The following PCDHA5 variants were observed in gnomAD, a reference collection of about 807,000 sequenced individuals.
The protein encoded by PCDHA5 is protocadherin alpha-5.
A neutral mutation model predicts 61.6 loss-of-function variants in PCDHA5; 43 were observed. The observed-to-expected ratio is 0.70, with a 90% CI of 0.55 to 0.90. The LOEUF (loss-of-function observed/expected upper bound fraction) is 0.90, where lower values mean the gene tolerates loss of function less well. Among genes scored for constraint, PCDHA5 ranks in the 40% least tolerant of loss-of-function variants. PCDHA5 has a pLI of 0.00. For synonymous variants in PCDHA5, 627 were observed against 543.9 expected (o/e 1.15, Z -2.13); for missense variants, 1,298 against 1,222.7 (o/e 1.06, Z -0.92).
chr5:140,897,716 G>A (rs1554187531), intron 1 of PCDHA5, among the ~76,000 whole-genome samples: 1 of 152,144 alleles, frequency 6.6e-6, no homozygotes, highest in African/African-American at 2.4e-5. Context: ...TAATGGGATG[G>A]CTGGGTCAAA....
At chr5:140,869,695 A>G (rs2051335232) in intron 1 of PCDHA5, 1 of 1,613,342 alleles carries the variant, frequency 6.2e-7, no homozygotes, top group African/African-American at 1.3e-5. Context: ...TATTTTAAAG[A>G]AGTCTCTGGA....
intron 1 of PCDHA5, chr5:140,848,613 G>C (rs147099629): frequency 6.3e-7 from 1 of 1,587,628 alleles, no homozygotes; most frequent in Admixed American, 1.7e-5. Flanking sequence ...GGAGGAAGCC[G>C]AACACGGCAC....
At position 140,835,539 on chromosome 5, in the gene PCDHA5, A is replaced by C; in HGVS notation, c.2352+11412A>C. 3 of 1,613,960 alleles carry C rather than the reference A, an allele frequency of 1.9e-6. No individual in the cohort carries two copies. The East Asian group carries it at 6.7e-5, about 36-fold the overall frequency. On this transcript the variant is annotated intron_variant, in intron 1 of 3. Coordinates refer to ENST00000529859, the MANE Select transcript of PCDHA5 (RefSeq NM_018908.3). ...AGATTTTGGAGTCAACGGACAGGTT[A>C]CCTGCTCCCTGACGCCCCGCGTTCC... is the stretch of plus-strand genomic sequence containing the variant.
At chr5:140,843,925 C>T in intron 1 of PCDHA5, 4 of 594,474 alleles carry the variant, frequency 6.7e-6, no homozygotes, top group Non-Finnish European at 8.8e-6. Context: ...TCTTGAAACT[C>T]AAGTTATGGT....
intron 1 of PCDHA5, chr5:140,966,824 A>T: frequency 1.3e-6 from 2 of 1,559,992 alleles, no homozygotes; most frequent in Non-Finnish European, 1.7e-6. Flanking sequence ...CCGGCGGCCC[A>T]TGCCCTGGCT....
At position 140,843,553 on chromosome 5, in the gene PCDHA5, G is replaced by A. The variant is rs1275122592; in HGVS notation, c.2352+19426G>A. On this transcript the variant is annotated intron_variant, in intron 1 of 3. Coordinates refer to ENST00000529859, the MANE Select transcript of PCDHA5 (RefSeq NM_018908.3). ...AGCCCACTCTGGTGTGCTCCAGTGC[G>A]GTGGGGAGCTGGTCATACTCGCAAC... 15 of 1,595,808 alleles carry A rather than the reference G, an allele frequency of 9.4e-6. 2 individuals carry two copies. The highest frequency in any genetic ancestry group is 2.2e-5 in the South Asian group (2 of 90,502).
chr5:140,834,412 G>C (rs2150217251), intron 1 of PCDHA5: 1 of 1,611,044 alleles, frequency 6.2e-7, no homozygotes, highest in Non-Finnish European at 8.5e-7. Context: ...TACGACCCAG[G>C]GGGCCGACAT....
chr5:140,953,871 A>G (rs2094944952), intron 1 of PCDHA5, among the ~76,000 whole-genome samples: 1 of 152,146 alleles, frequency 6.6e-6, no homozygotes, highest in African/African-American at 2.4e-5. Context: ...TTTGCTGCAC[A>G]GATCAACCCA....
rs541261946 is a variant in PCDHA5, at chr5:140,926,749, G to T, written c.2353-52200G>T. ...GGCGTTCGGGAGGCGCAACGTCGGC[G>T]GTCGCTGAGTATCCAGCCCGCAGCA... On this transcript the variant is annotated intron_variant, in intron 1 of 3. Coordinates refer to ENST00000529859, the MANE Select transcript of PCDHA5 (RefSeq NM_018908.3). 7.3e-6 allele frequency: 9 copies of T among 1,237,260 alleles called. No homozygotes were observed. In the East Asian group the frequency reaches 2.0e-4, roughly 28 times the overall value. The allele number at this position is 1,237,260 out of a possible 1,614,324, so 76.6% of individuals were successfully genotyped here.
intron 1 of PCDHA5, among the ~76,000 whole-genome samples, chr5:140,901,955 G>A (rs2069015305): frequency 6.6e-6 from 1 of 151,848 alleles, no homozygotes; most frequent in Admixed American, 6.6e-5. Flanking sequence ...TTTTATTCGT[G>A]GCTATCGTAA....
chr5:140,871,999 T>C (rs116431688), intron 1 of PCDHA5, among the ~76,000 whole-genome samples: 316 of 152,330 alleles, frequency 2.1e-3, no homozygotes, highest in African/African-American at 7.4e-3. Flanking sequence ...CAGTGGCTAT[T>C]TACAGGTGAC....
chr5:140,927,582 G>A lies in PCDHA5; in HGVS notation c.2353-51367G>A, dbSNP rs1554204771. On this transcript the variant is annotated intron_variant, in intron 1 of 3. Transcript: ENST00000529859. ...TTGTGGTGGACACAAATGACAACGCGCCTGTATTTGAGCGCTCCGTATACC... is the reference window on the plus strand; with the variant it reads ...TTGTGGTGGACACAAATGACAACGCACCTGTATTTGAGCGCTCCGTATACC... 3.7e-6 allele frequency: 6 copies of A among 1,614,174 alleles called. No individual in the cohort carries two copies. In the East Asian group the frequency reaches 1.1e-4, roughly 30 times the overall value.
At chr5:140,825,574 G>A (rs1447925811) in intron 1 of PCDHA5, 1 of 151,612 alleles carries the variant, frequency 6.6e-6, no homozygotes, top group Non-Finnish European at 1.5e-5. Flanking sequence ...ACAGGCATGT[G>A]CCCACACCTG....
intron 1 of PCDHA5, chr5:140,841,311 G>C: frequency 1.3e-6 from 2 of 1,582,248 alleles, no homozygotes; most frequent in Non-Finnish European, 1.7e-6. Context: ...GATAGGAAAC[G>C]ACTATTTAAC....
chr5:140,996,453 C>A (rs1289648745), intron 3 of PCDHA5, among the ~76,000 whole-genome samples: 2 of 152,160 alleles, frequency 1.3e-5, no homozygotes, highest in African/African-American at 4.8e-5. Flanking sequence ...AGTTGTGGTG[C>A]TAAGGGAGGA....
At chr5:140,880,554 A>T (rs546471112) in intron 1 of PCDHA5, among the ~76,000 whole-genome samples, 1 of 152,360 alleles carries the variant, frequency 6.6e-6, no homozygotes, top group South Asian at 2.1e-4. Flanking sequence ...ACTGATGGAA[A>T]TGAGGTTGAG....
At chr5:140,883,283 G>C (rs782514861) in intron 1 of PCDHA5, 2 of 1,613,916 alleles carry the variant, frequency 1.2e-6, no homozygotes, top group Admixed American at 1.7e-5. Context: ...CCTTTTGGTG[G>C]AAGTACTAGA....
intron 1 of PCDHA5, chr5:140,929,010 G>C (rs1554206575): frequency 6.2e-7 from 1 of 1,614,128 alleles, no homozygotes; most frequent in Non-Finnish European, 8.5e-7. Flanking sequence ...TGTGTACCAA[G>C]TTGCACCAGA....
chr5:140,870,581 T>C, intron 1 of PCDHA5: 1 of 1,613,826 alleles, frequency 6.2e-7, no homozygotes, highest in Non-Finnish European at 8.5e-7. Context: ...TCCTACTCGC[T>C]GGTGGAGCGG....
Sources: allele counts gnomAD v4.1 joint callset (sites outside exome capture counted in the v4.1 genomes callset), GRCh38; gene constraint gnomAD v4.1.1; transcripts MANE v1.5; gene names NCBI Gene and HGNC (gene_info 2026-07-23, HGNC 2026-07-21).